The following DGKG variants were observed in gnomAD, a reference collection of about 807,000 sequenced individuals.
DGKG encodes the protein diacylglycerol kinase gamma, also known as DAG kinase gamma.
Under a neutral mutation model 105.3 loss-of-function variants are expected in DGKG, and 78 were observed. The observed-to-expected ratio is 0.74, with a 90% CI of 0.62 to 0.89. The LOEUF (loss-of-function observed/expected upper bound fraction) is 0.89. Among genes scored for constraint, DGKG ranks in the 40% least tolerant of loss-of-function variants. The pLI is 0.00. For missense variants in DGKG, 958 were observed against 1,020.1 expected (o/e 0.94, Z 0.83); for synonymous variants, 346 against 367.1 (o/e 0.94, Z 0.66).
At chr3:186,222,269 T>C (rs1234780200) in intron 20 of DGKG, among the ~76,000 whole-genome samples, 3 of 152,170 alleles carry the variant, frequency 2.0e-5, no homozygotes, top group Non-Finnish European at 4.4e-5. Context: ...CATTTCCCCA[T>C]AGAAACAATG....
chr3:186,275,479 T>C, intron 10 of DGKG, 68 bp downstream of exon 10: 2 of 1,326,894 alleles, frequency 1.5e-6, no homozygotes, highest in East Asian at 2.3e-5. Flanking sequence ...TTCTCTGCAA[T>C]GGATCAACCA....
At chr3:186,171,762 T>C (rs1324905469) in intron 22 of DGKG, among the ~76,000 whole-genome samples, 1 of 152,202 alleles carries the variant, frequency 6.6e-6, no homozygotes, top group Non-Finnish European at 1.5e-5. Context: ...AATTCACTCA[T>C]GTAATCTGCA....
intron 10 of DGKG, among the ~76,000 whole-genome samples, chr3:186,274,380 AT>A (rs1264216650): frequency 2.0e-5 from 3 of 151,162 alleles, no homozygotes; most frequent in South Asian, 2.1e-4. Flanking sequence ...TTTATTTTTT[AT>A]TTTTTTATTT....
intron 24 of DGKG, among the ~76,000 whole-genome samples, chr3:186,150,717 T>G (rs752615058): frequency 2.0e-5 from 3 of 152,216 alleles, no homozygotes; most frequent in Non-Finnish European, 2.9e-5. Context: ...TTGAGTGCCT[T>G]ATGTATTTCC....
At chr3:186,326,447 A>ATCTCTC (rs60832383) in intron 1 of DGKG, among the ~76,000 whole-genome samples, 4 of 139,064 alleles carry the variant, frequency 2.9e-5, no homozygotes, top group South Asian at 2.4e-4. Flanking sequence ...CACACCCCTC[A>ATCTCTC]TCTCTCTCTC....
intron 19 of DGKG, among the ~76,000 whole-genome samples, chr3:186,245,253 C>T (rs532639234): frequency 3.3e-5 from 5 of 152,176 alleles, no homozygotes; most frequent in East Asian, 1.9e-4. Context: ...TAGTGAAGCA[C>T]GTGGTCCCTA....
At chr3:186,181,530 C>T (rs1560083615) in intron 22 of DGKG, among the ~76,000 whole-genome samples, 2 of 152,212 alleles carry the variant, frequency 1.3e-5, no homozygotes, top group South Asian at 2.1e-4. Context: ...GTCAGGAGTT[C>T]GAAGCTAGTC....
intron 23 of DGKG, among the ~76,000 whole-genome samples, chr3:186,164,457 G>A (rs553506359): frequency 1.3e-5 from 2 of 152,322 alleles, no homozygotes; most frequent in East Asian, 3.9e-4. Flanking sequence ...GCATACAAAG[G>A]TGTATAGGAA....
intron 14 of DGKG, among the ~76,000 whole-genome samples, chr3:186,263,573 A>ACAAGCAAGCAAG (rs60417496): frequency 6.6e-6 from 1 of 151,152 alleles, no homozygotes; most frequent in African/African-American, 2.4e-5. Context: ...ATCTCAAAAA[A>ACAAGCAAGCAAG]CAAGCAAGCA....
intron 3 of DGKG, among the ~76,000 whole-genome samples, chr3:186,301,719 A>G (rs1723930661): frequency 6.6e-6 from 1 of 152,198 alleles, no homozygotes; most frequent in Non-Finnish European, 1.5e-5. Flanking sequence ...TACATTATAA[A>G]ATATTTGCAA....
intron 21 of DGKG, among the ~76,000 whole-genome samples, chr3:186,202,441 C>G (rs1234313421): frequency 1.3e-5 from 2 of 152,182 alleles, no homozygotes; most frequent in African/African-American, 4.8e-5. Context: ...GTTTAATAAC[C>G]TGTGATTGTA....
At chr3:186,207,536 A>G (rs917672960) in intron 21 of DGKG, 1 of 979,326 alleles carries the variant, frequency 1.0e-6, no homozygotes, top group African/African-American at 1.8e-5. Context: ...TACATAAAAA[A>G]ACAAAAACAA....
intron 5 of DGKG, among the ~76,000 whole-genome samples, chr3:186,292,085 G>A (rs1479040321): frequency 6.6e-6 from 1 of 152,126 alleles, no homozygotes; most frequent in Non-Finnish European, 1.5e-5. Context: ...ACGACCCTCA[G>A]GTACCACCAG....
intron 8 of DGKG, 120 bp from the exon 9 acceptor site, chr3:186,280,093 C>T: frequency 7.6e-7 from 1 of 1,310,796 alleles, no homozygotes; most frequent in Non-Finnish European, 1.1e-6. Context: ...CTTTCCCCTC[C>T]TGTTAAGTGT....
intron 21 of DGKG, among the ~76,000 whole-genome samples, chr3:186,201,418 C>T (rs1000105630): frequency 6.6e-6 from 1 of 152,146 alleles, no homozygotes; most frequent in African/African-American, 2.4e-5. Flanking sequence ...CTACAGCCAC[C>T]TGGCACCCTC....
At chr3:186,234,656 T>C (rs1000940210) in intron 20 of DGKG, among the ~76,000 whole-genome samples, 1 of 152,178 alleles carries the variant, frequency 6.6e-6, no homozygotes, top group East Asian at 1.9e-4. Flanking sequence ...AAAAAGCCCA[T>C]TAAGCTACAG....
intron 20 of DGKG, among the ~76,000 whole-genome samples, chr3:186,213,045 A>C (rs1719109466): frequency 6.6e-6 from 1 of 152,142 alleles, no homozygotes; most frequent in African/African-American, 2.4e-5. Context: ...TTTCCCCAAG[A>C]GTCTACCTAG....
At chr3:186,283,507 G>A (rs148161472) in intron 7 of DGKG, among the ~76,000 whole-genome samples, 10 of 152,184 alleles carry the variant, frequency 6.6e-5, no homozygotes, top group Non-Finnish European at 1.5e-4. Flanking sequence ...GGCGACCCTC[G>A]CTAAAGCTTC....
chr3:186,281,767 A>G lies in DGKG; in HGVS notation c.595-1023T>C, dbSNP rs561729562. Among the ~76,000 whole-genome samples, 11 of 152,368 alleles carry G rather than the reference A, an allele frequency of 7.2e-5. No homozygotes were observed. The East Asian group carries it at 2.1e-3, about 29-fold the overall frequency. On this transcript the variant is annotated intron_variant, in intron 7 of 24. Transcript: ENST00000265022. ...AGCTTGTGAATCTCTGGTTGGGTCC[A>G]AGATTTAAAGAGAAAACGTATTTCA...
Sources: allele counts gnomAD v4.1 joint callset (sites outside exome capture counted in the v4.1 genomes callset), GRCh38; gene constraint gnomAD v4.1.1; transcripts MANE v1.5; gene names NCBI Gene and HGNC (gene_info 2026-07-23, HGNC 2026-07-21).